The following TGM2 variants were observed in gnomAD, a reference collection of about 807,000 sequenced individuals.
The protein encoded by TGM2 is protein-glutamine gamma-glutamyltransferase 2.
Under a neutral mutation model 75.6 loss-of-function variants are expected in TGM2, and 53 were observed. The observed-to-expected ratio is 0.70, with a 90% CI of 0.56 to 0.88. TGM2 has a LOEUF of 0.88. TGM2 is among the 40% of genes least tolerant of loss of function. The pLI, the probability that TGM2 is intolerant of heterozygous loss-of-function variation, is 0.00. For missense variants in TGM2, 842 were observed against 928.5 expected, an observed-to-expected ratio of 0.91 and a Z score of 1.21; for synonymous variants, 374 against 381.1, an observed-to-expected ratio of 0.98 and a Z score of 0.22.
intron 8 of TGM2, among the ~76,000 whole-genome samples, chr20:38,140,913 ATG>A (rs888626242): frequency 2.6e-5 from 4 of 152,138 alleles, no homozygotes; most frequent in Non-Finnish European, 5.9e-5. Flanking sequence ...ACATATATAT[ATG>A]TGTGTTTATA....
At position 38,130,280 on chromosome 20, in the gene TGM2, A is replaced by C. The variant is rs1490272490; in HGVS notation, c.2003T>G (p.Phe668Cys). ...CACAGCCTTCAGCTTGTCGCTCTCG[A>C]AGTTCACCACCAGCTTGTGGAGGCC... Reference protein sequence around the residue: ...HMGLHKLVVNFESDKLKAVKG... With the variant: ...HMGLHKLVVNCESDKLKAVKG... The change falls in exon 13 of 13, where the codon TTC (phenylalanine) becomes TGC (cysteine). Residue 668 changes from phenylalanine to cysteine, a missense_variant. Phe to Cys is a radical substitution (Grantham distance 205). Coordinates refer to ENST00000361475, the MANE Select transcript of TGM2 (RefSeq NM_004613.4). The C allele has an allele frequency of 6.2e-7, 1 of 1,613,078 alleles. No individual in the cohort carries two copies. Among genetic ancestry groups the C allele is most frequent in the Admixed American group, 1.7e-5 (1 of 59,936 alleles).
intron 11 of TGM2, among the ~76,000 whole-genome samples, chr20:38,131,444 G>T (rs751512056): frequency 5.9e-5 from 9 of 151,762 alleles, no homozygotes; most frequent in Non-Finnish European, 8.8e-5. Flanking sequence ...CTGCAATGAG[G>T]CTCCACGTGA....
chr20:38,147,215 C>A (rs1175949691), intron 5 of TGM2, among the ~76,000 whole-genome samples: 1 of 152,058 alleles, frequency 6.6e-6, no homozygotes, highest in African/African-American at 2.4e-5. Context: ...TTTACAAAGA[C>A]CCGCTTGGGC....
chr20:38,130,341 C>A lies in TGM2; in HGVS notation c.1942G>T (p.Val648Phe), dbSNP rs1296412430. 3 of 1,601,462 alleles carry A rather than the reference C, an allele frequency of 1.9e-6. No individual in the cohort carries two copies. Among genetic ancestry groups the A allele is most frequent in the South Asian group, 1.1e-5 (1 of 88,422 alleles). Reference protein sequence around the residue: ...IPDPVEAGEEVKVRMDLLPLH... With the variant: ...IPDPVEAGEEFKVRMDLLPLH... Reference sequence around the variant, plus strand: ...GGCAGCAGGTCCATTCTCACCTTAACTTCCTCCCCTGCCTCCACGGGGTCT... The same window carrying A: ...GGCAGCAGGTCCATTCTCACCTTAAATTCCTCCCCTGCCTCCACGGGGTCT... The change falls in exon 13 of 13, where the codon GTT becomes TTT. Residue 648 changes from valine to phenylalanine, a missense_variant. By Grantham distance (50) the Val-to-Phe change is conservative. Transcript: ENST00000361475.
chr20:38,161,247 G>A (rs962682802), intron 2 of TGM2, among the ~76,000 whole-genome samples, 173 bp downstream of exon 2: 17 of 152,106 alleles, frequency 1.1e-4, no homozygotes, highest in Non-Finnish European at 1.6e-4. Context: ...CTTCCTTTCC[G>A]GGCCTCAGTT....
intron 8 of TGM2, among the ~76,000 whole-genome samples, chr20:38,140,372 T>A (rs1052335008): frequency 1.3e-5 from 2 of 152,142 alleles, no homozygotes; most frequent in African/African-American, 4.8e-5. Flanking sequence ...TATCCAGAAG[T>A]GGACAGAGCT....
intron 8 of TGM2, among the ~76,000 whole-genome samples, chr20:38,140,672 T>A (rs557824799): frequency 7.6e-4 from 115 of 152,306 alleles, no homozygotes; most frequent in African/African-American, 2.4e-3. Context: ...TCTACAACTA[T>A]ATTATGGAAC....
intron 1 of TGM2, 130 bp downstream of exon 1, chr20:38,165,059 A>C: frequency 7.5e-7 from 1 of 1,336,178 alleles, no homozygotes; most frequent in Non-Finnish European, 1.1e-6. Context: ...CAGCATTGAG[A>C]CGCCTCCTCA....
At chr20:38,160,216 C>T (rs1214489099) in intron 2 of TGM2, among the ~76,000 whole-genome samples, 1 of 152,214 alleles carries the variant, frequency 6.6e-6, no homozygotes, top group Non-Finnish European at 1.5e-5. Context: ...CATCTCTGCC[C>T]TCAGAGACTT....
At chr20:38,152,905 C>T (rs562892429) in intron 3 of TGM2, among the ~76,000 whole-genome samples, 1 of 152,374 alleles carries the variant, frequency 6.6e-6, no homozygotes, top group South Asian at 2.1e-4. Context: ...CCACGCTTCC[C>T]ATTCCCTGAA....
intron 2 of TGM2, among the ~76,000 whole-genome samples, chr20:38,156,604 T>G (rs1421819836): frequency 6.6e-6 from 1 of 152,252 alleles, no homozygotes; most frequent in Admixed American, 6.5e-5. Context: ...TGAGAGCCCC[T>G]TGCTGTAGGC....
Position 38,127,452 on chromosome 20 carries a change from AAG to A in TGM2, c.*2765_*2766del, listed in dbSNP as rs2074778326. ...GTCATGTCTTTCTACATGACTTCCCAAGGGTGGGGACTGTCCCCATCATCTAT... is the reference window on the plus strand; with the variant it reads ...GTCATGTCTTTCTACATGACTTCCCAGGTGGGGACTGTCCCCATCATCTAT... On this transcript the variant is annotated 3_prime_UTR_variant, in exon 13 of 13. Transcript: ENST00000361475. The A allele has an allele frequency of 1.2e-6, 1 of 822,258 alleles. No homozygotes were observed. The highest frequency in any genetic ancestry group is 1.5e-6 in the Non-Finnish European group (1 of 681,290). The allele number at this position is 822,258 out of a possible 1,614,324, so 50.9% of individuals were successfully genotyped here.
chr20:38,132,218 G>T, intron 11 of TGM2, 122 bp downstream of exon 11: 1 of 1,129,866 alleles, frequency 8.9e-7, no homozygotes, highest in Admixed American at 1.9e-5. Context: ...TTTGAGGATC[G>T]CTAAGGCACC....
At chr20:38,141,553 T>C (rs1389554032) in intron 7 of TGM2, among the ~76,000 whole-genome samples, 168 bp from the exon 8 acceptor site, 1 of 152,066 alleles carries the variant, frequency 6.6e-6, no homozygotes, top group African/African-American at 2.4e-5. Flanking sequence ...GGGGCCCATC[T>C]CACAGCACCC....
chr20:38,139,496 G>A lies in TGM2; in HGVS notation c.1258C>T (p.Leu420=). 1 of 1,614,192 alleles carries A rather than the reference G, an allele frequency of 6.2e-7. No homozygotes were observed. Among genetic ancestry groups the A allele is most frequent in the Non-Finnish European group, 8.5e-7 (1 of 1,180,040 alleles). ...GTGCTGATCTTCAGCCCAACGATCA[G>A]GGAACGGTTGATGGATTTGTGCACA... The part of the protein sequence containing the change: ...GSVHKSINRS[L]IVGLKISTKS... The change falls in exon 9 of 13, where the codon CTG becomes TTG. Residue 420 remains leucine (L), a synonymous_variant. Coordinates refer to ENST00000361475, the MANE Select transcript of TGM2 (RefSeq NM_004613.4).
At chr20:38,149,713 G>A (rs17197018) in intron 4 of TGM2, among the ~76,000 whole-genome samples, 13,485 of 136,572 alleles carry the variant, frequency 0.099, 781 homozygotes, top group East Asian at 0.26. Flanking sequence ...AGGACCCTGG[G>A]AAATAAAGGA....
At chr20:38,137,538 G>A (rs1334343987) in intron 10 of TGM2, among the ~76,000 whole-genome samples, 2 of 152,248 alleles carry the variant, frequency 1.3e-5, no homozygotes, top group African/African-American at 2.4e-5. Context: ...TAGCAGCCAC[G>A]TGCAGCTGGT....
upstream of TGM2, among the ~76,000 whole-genome samples, chr20:38,168,060 ATT>A (rs2075324062): frequency 6.6e-6 from 1 of 152,176 alleles, no homozygotes; most frequent in South Asian, 2.1e-4. Flanking sequence ...ATCCCATTAG[ATT>A]ATTCCTGGAT....
chr20:38,141,936 C>A (rs561617076), intron 7 of TGM2, 128 bp downstream of exon 7: 8 of 1,164,508 alleles, frequency 6.9e-6, no homozygotes, highest in Admixed American at 1.9e-5. Context: ...CTTCCCCAAG[C>A]CTGCTCAAAT....
Sources: gnomAD v4.1 joint callset for allele counts (sites outside exome capture counted in the v4.1 genomes callset) on GRCh38, gnomAD v4.1.1 for gene constraint, MANE v1.5 for transcripts, NCBI Gene and HGNC (gene_info 2026-07-23, HGNC 2026-07-21) for gene names.